Variants in IL17B observed in about 807,000 individuals in gnomAD.
IL17B encodes interleukin-17B.
In IL17B, 14 loss-of-function variants were observed where a neutral mutation model predicts 14.7. The ratio of observed to expected loss-of-function variants is 0.95; its 90% CI spans 0.63 to 1.49. The LOEUF (loss-of-function observed/expected upper bound fraction) is 1.49, where lower values mean the gene tolerates loss of function less well. Among genes scored for constraint, IL17B ranks in the 40% most tolerant of loss-of-function variants. The pLI, the probability that IL17B is intolerant of heterozygous loss-of-function variation, is 0.00. For missense variants in IL17B, 233 were observed against 252.8 expected (o/e 0.92, Z 0.53); for synonymous variants, 105 against 94.8 (o/e 1.11, Z -0.62).
chr5:149,392,281 G>T (rs353259), intron 1 of IL17B, among the ~76,000 whole-genome samples: 71,864 of 152,028 alleles, frequency 0.47, 17,295 homozygotes, highest in African/African-American at 0.5. Context: ...TTTCTATCTT[G>T]TATTTGTGTT....
intron 1 of IL17B, among the ~76,000 whole-genome samples, chr5:149,389,304 C>G (rs1343758279): frequency 6.6e-6 from 1 of 152,230 alleles, no homozygotes; most frequent in Non-Finnish European, 1.5e-5. Flanking sequence ...GTTCAACTTT[C>G]ATTACCAAGT....
intron 1 of IL17B, among the ~76,000 whole-genome samples, chr5:149,377,258 A>G (rs1173150926): frequency 6.6e-6 from 1 of 152,064 alleles, no homozygotes; most frequent in South Asian, 2.1e-4. Flanking sequence ...TTCCTGCCAC[A>G]GGGACTTTGC....
intron 1 of IL17B, among the ~76,000 whole-genome samples, chr5:149,384,909 CTTTT>C (rs531690396): frequency 2.3e-5 from 3 of 131,778 alleles, no homozygotes; most frequent in African/African-American, 2.8e-5. Flanking sequence ...GGTTGTTGAG[CTTTT>C]TTTTTTTTTT....
chr5:149,384,480 G>T (rs1337907244), intron 1 of IL17B, among the ~76,000 whole-genome samples: 3 of 152,138 alleles, frequency 2.0e-5, no homozygotes, highest in African/African-American at 7.2e-5. Flanking sequence ...TTTGCTTTTT[G>T]ATTATGAAGA....
chr5:149,377,182 C>G lies in IL17B; in HGVS notation c.22-157G>C, dbSNP rs189775651. Among the ~76,000 whole-genome samples, 42 of 152,282 alleles carry G rather than the reference C, an allele frequency of 2.8e-4. 1 individual carries two copies. The East Asian group carries it at 7.5e-3, about 27-fold the overall frequency. On this transcript the variant is annotated intron_variant, in intron 1 of 2. Transcript: ENST00000261796. Reference sequence around the variant, plus strand: ...CCAGCTCTCCCTCCTCAGATTACCCCCTGTTTCCTCTCTCTTGTGTGTTCC... The same window carrying G: ...CCAGCTCTCCCTCCTCAGATTACCCGCTGTTTCCTCTCTCTTGTGTGTTCC...
At chr5:149,381,788 A>C (rs1758704857), upstream of IL17B, among the ~76,000 whole-genome samples, 1 of 152,098 alleles carries the variant, frequency 6.6e-6, no homozygotes, top group African/African-American at 2.4e-5. Context: ...GTCCTTTTTG[A>C]TGTCCTGAGT....
chr5:149,392,064 A>G (rs530259992), intron 1 of IL17B, among the ~76,000 whole-genome samples: 1 of 152,220 alleles, frequency 6.6e-6, no homozygotes, highest in South Asian at 2.1e-4. Flanking sequence ...GGAGTACACA[A>G]TGGTTACAAC....
Position 149,375,479 on chromosome 5 carries a change from T to A in IL17B, c.312-879A>T, listed in dbSNP as rs2227458. Among the ~76,000 whole-genome samples, 744 of 152,344 alleles carry A rather than the reference T, an allele frequency of 4.9e-3. 5 individuals carry two copies. The highest frequency in any genetic ancestry group is 0.017 in the African/African-American group (704 of 41,588). ...GCATTTTTATCAGATCCCTGAGTGA[T>A]TCATTGGCACAATCAGATGTGAAAA... On this transcript the variant is annotated intron_variant, in intron 2 of 2. Transcript: ENST00000261796.
At chr5:149,389,888 G>A (rs1469991748) in intron 1 of IL17B, among the ~76,000 whole-genome samples, 1 of 152,220 alleles carries the variant, frequency 6.6e-6, no homozygotes, top group Non-Finnish European at 1.5e-5. Context: ...ACGAAGGCTT[G>A]GAGTCAGCCT....
At chr5:149,388,807 A>G (rs1758880014) in intron 1 of IL17B, among the ~76,000 whole-genome samples, 1 of 152,250 alleles carries the variant, frequency 6.6e-6, no homozygotes, top group Non-Finnish European at 1.5e-5. Flanking sequence ...GTACAAAAAC[A>G]GAGTCAGAGG....
At chr5:149,380,440 C>T (rs1347931792), upstream of IL17B, among the ~76,000 whole-genome samples, 1 of 152,180 alleles carries the variant, frequency 6.6e-6, no homozygotes, top group Admixed American at 6.5e-5. Flanking sequence ...TCTCTACTGA[C>T]TCTCCCTTCA....
chr5:149,396,451 C>G (rs1248457351), intron 1 of IL17B, among the ~76,000 whole-genome samples: 1 of 152,172 alleles, frequency 6.6e-6, no homozygotes, highest in East Asian at 1.9e-4. Context: ...TCTTCTTTGA[C>G]AGTCAAACCT....
intron 1 of IL17B, among the ~76,000 whole-genome samples, chr5:149,396,171 T>C (rs1390015804): frequency 6.6e-6 from 1 of 152,240 alleles, no homozygotes. Flanking sequence ...TCTGTCAGTA[T>C]GGTTTGAAGA....
chr5:149,395,202 T>C (rs1433592234), intron 1 of IL17B, among the ~76,000 whole-genome samples: 3 of 151,958 alleles, frequency 2.0e-5, no homozygotes, highest in East Asian at 3.9e-4. Context: ...ATCTCTCTCT[T>C]TTTTTAATGG....
chr5:149,374,285 G>T lies in IL17B; in HGVS notation c.*84C>A, dbSNP rs1296874011. 4 of 1,332,980 alleles carry T rather than the reference G, an allele frequency of 3.0e-6. No individual in the cohort carries two copies. The highest frequency in any genetic ancestry group is 2.4e-5 in the Admixed American group (1 of 41,056). The allele number at this position is 1,332,980 out of a possible 1,614,324, so 82.6% of individuals were successfully genotyped here. A position where few individuals can be genotyped will look rare whatever the true frequency, so the allele number is the denominator to read the frequency against. Reference sequence around the variant, plus strand: ...CAAAGTCTTGCTTTCAAAAGTCAGTGTTTACTTTTCATAGGCCTTTCTTGG... The same window carrying T: ...CAAAGTCTTGCTTTCAAAAGTCAGTTTTTACTTTTCATAGGCCTTTCTTGG... On this transcript the variant is annotated 3_prime_UTR_variant, in exon 3 of 3. Transcript: ENST00000261796. The surrounding 1 kb of genome is among the most constrained non-coding windows in gnomAD (Gnocchi z 5.0).
At chr5:149,402,802 G>A (rs1235952922) in intron 1 of IL17B, among the ~76,000 whole-genome samples, 4 of 151,064 alleles carry the variant, frequency 2.6e-5, no homozygotes, top group Non-Finnish European at 4.4e-5. Flanking sequence ...AGGAGATCAA[G>A]ACCATCCTGG....
chr5:149,377,159 A>G (rs760820687), intron 1 of IL17B, 134 bp from the exon 2 acceptor site: 12 of 678,332 alleles, frequency 1.8e-5, no homozygotes, highest in Non-Finnish European at 2.2e-5. Flanking sequence ...ACCATCCCCC[A>G]GCTCTCCCTC....
At chr5:149,377,132 C>G in intron 1 of IL17B, 107 bp from the exon 2 acceptor site, 3 of 906,932 alleles carry the variant, frequency 3.3e-6, no homozygotes, top group Middle Eastern at 2.5e-4. Context: ...CTCCCAGGCT[C>G]AGGTCTGACT....
intron 1 of IL17B, among the ~76,000 whole-genome samples, chr5:149,384,774 G>A (rs1055805438): frequency 6.6e-6 from 1 of 152,180 alleles, no homozygotes; most frequent in Non-Finnish European, 1.5e-5. Flanking sequence ...AACTGCCAGA[G>A]AGTCCCAGAA....
Sources: allele counts gnomAD v4.1 joint callset (sites outside exome capture counted in the v4.1 genomes callset), GRCh38; gene constraint gnomAD v4.1.1; non-coding constraint Gnocchi (gnomAD v3.1); transcripts MANE v1.5; gene names NCBI Gene and HGNC (gene_info 2026-07-23, HGNC 2026-07-21).